The following TTC6 variants were observed in gnomAD, a reference collection of about 807,000 sequenced individuals.
TTC6 encodes the protein tetratricopeptide repeat protein 6.
Under a neutral mutation model 210.4 loss-of-function variants are expected in TTC6, and 172 were observed. That is an observed-to-expected ratio of 0.82 (90% CI 0.72 to 0.93). The LOEUF is 0.93. Among genes scored for constraint, TTC6 ranks in the 40% least tolerant of loss-of-function variants. TTC6 has a pLI of 0.00. For missense variants in TTC6, 2,414 were observed against 2,318.1 expected, an observed-to-expected ratio of 1.04 and a Z score of -0.85; for synonymous variants, 804 against 819.6, an observed-to-expected ratio of 0.98 and a Z score of 0.32.
intron 6 of TTC6, among the ~76,000 whole-genome samples, chr14:37,723,127 CTT>C (rs1321447695): frequency 6.6e-6 from 1 of 152,064 alleles, no homozygotes; most frequent in Non-Finnish European, 1.5e-5. Context: ...TTCTATGTCT[CTT>C]TTGACACCCT....
chr14:37,689,185 C>A lies in TTC6; in HGVS notation c.1257+6221C>A, dbSNP rs142971770. 2.6e-3 allele frequency among the ~76,000 whole-genome samples: 401 copies of A among 151,910 alleles called. 2 individuals carry two copies. Among genetic ancestry groups the A allele is most frequent in the Middle Eastern group, 0.01 (3 of 294 alleles). On this transcript the variant is annotated intron_variant, in intron 3 of 30. Coordinates refer to ENST00000553443, the Ensembl canonical transcript of TTC6. ...AATGCAGTTGGCATACTGAAGAATG[C>A]ATCAGAGTCTTTTAGTGGCAGAACT...
At position 37,839,849 on chromosome 14, in the gene TTC6, C is replaced by T. The variant is rs144842556; in HGVS notation, c.5299-1596C>T. On this transcript the variant is annotated intron_variant, in intron 29 of 30. Coordinates refer to ENST00000553443, the Ensembl canonical transcript of TTC6. ...ATAAGGTGGAAGGAAGGGATCTAGT[C>T]TCAGCTTTCTGCATATGGCTAGCCG... Among the ~76,000 whole-genome samples, 63 of 152,204 alleles carry T rather than the reference C, an allele frequency of 4.1e-4. No individual in the cohort carries two copies. The East Asian group carries it at 8.9e-3, about 22-fold the overall frequency.
chr14:37,607,348 G>C (rs185216051), intron 2 of TTC6, among the ~76,000 whole-genome samples: 24 of 152,256 alleles, frequency 1.6e-4, no homozygotes, highest in African/African-American at 5.5e-4. Context: ...ATTAAGTCTA[G>C]AGCTCAGTCC....
chr14:37,733,637 T>C (rs2095893889), intron 7 of TTC6, among the ~76,000 whole-genome samples: 1 of 152,158 alleles, frequency 6.6e-6, no homozygotes. Context: ...ACCTGGCTGG[T>C]TTTAAGTTTT....
chr14:37,614,716 G>C lies in TTC6; in HGVS notation c.-154-7334G>C, dbSNP rs2095639923. On this transcript the variant is annotated intron_variant, in intron 2 of 2. Coordinates refer to the TTC6 transcript ENST00000556845. ...AAAAAGAATATGCATGCTAGGTATA[G>C]AATACTTGGTTGACAGTTTAAATTA... Among the ~76,000 whole-genome samples, 3 of 151,670 alleles carry C rather than the reference G, an allele frequency of 2.0e-5. No homozygotes were observed. The East Asian group carries it at 5.8e-4, about 29-fold the overall frequency.
At chr14:37,702,914 T>C (rs182704911) in intron 5 of TTC6, among the ~76,000 whole-genome samples, 2 of 152,022 alleles carry the variant, frequency 1.3e-5, no homozygotes, top group African/African-American at 4.8e-5. Context: ...CAAAAAAAAA[T>C]TTTTAGGATT....
At chr14:37,800,923 C>T (rs1303380296) in intron 20 of TTC6, among the ~76,000 whole-genome samples, 3 of 152,098 alleles carry the variant, frequency 2.0e-5, no homozygotes, top group Non-Finnish European at 2.9e-5. Flanking sequence ...GCTGCAAACA[C>T]GTACAACCTT....
chr14:37,700,171 A>G (rs907664751), intron 4 of TTC6, among the ~76,000 whole-genome samples: 1 of 152,160 alleles, frequency 6.6e-6, no homozygotes, highest in Non-Finnish European at 1.5e-5. Flanking sequence ...TTTAGTAGGA[A>G]GGTAGGGATG....
At chr14:37,707,146 T>C (rs1396066316) in intron 5 of TTC6, among the ~76,000 whole-genome samples, 1 of 152,104 alleles carries the variant, frequency 6.6e-6, no homozygotes, top group Non-Finnish European at 1.5e-5. Flanking sequence ...TTTATTTGCA[T>C]GTAATATTTT....
At chr14:37,660,217 G>T (rs999474930) in intron 1 of TTC6, among the ~76,000 whole-genome samples, 2 of 151,842 alleles carry the variant, frequency 1.3e-5, no homozygotes, top group African/African-American at 4.8e-5. Context: ...TTGTCTTCCA[G>T]GGTTTTTTTT....
intron 2 of TTC6, among the ~76,000 whole-genome samples, chr14:37,682,443 T>C (rs2095785943): frequency 1.2e-5 from 1 of 81,742 alleles, no homozygotes; most frequent in Non-Finnish European, 3.0e-5. Context: ...TTTCTTGGTC[T>C]AGCTATACCT....
chr14:37,619,048 G>C (rs1053315414), upstream of TTC6, among the ~76,000 whole-genome samples: 2 of 152,080 alleles, frequency 1.3e-5, no homozygotes, highest in African/African-American at 4.8e-5. Flanking sequence ...CAAACAATAA[G>C]AGCCAAAATA....
intron 14 of TTC6, among the ~76,000 whole-genome samples, chr14:37,756,552 A>G (rs577760204): frequency 2.0e-5 from 3 of 152,328 alleles, no homozygotes; most frequent in Non-Finnish European, 4.4e-5. Context: ...AGTTTCTAGC[A>G]TGAAAGGGTG....
exon 5 of TTC6, chr14:37,701,402 G>A (rs1273220462): frequency 6.5e-7 from 1 of 1,532,574 alleles, no homozygotes; most frequent in African/African-American, 1.4e-5. Context: ...GGAGCTGCCT[G>A]TTGACTTGCG....
intron 20 of TTC6, among the ~76,000 whole-genome samples, chr14:37,799,021 AT>A (rs2096099410): frequency 1.3e-5 from 2 of 151,966 alleles, no homozygotes; most frequent in Admixed American, 1.3e-4. Flanking sequence ...TATGAGTGAG[AT>A]TGGTTTTGTG....
chr14:37,710,858 A>G (rs2138736261), intron 5 of TTC6, among the ~76,000 whole-genome samples: 1 of 152,242 alleles, frequency 6.6e-6, no homozygotes, highest in African/African-American at 2.4e-5. Flanking sequence ...ATCTTCAGAG[A>G]AGGGGTCTGG....
intron 10 of TTC6, among the ~76,000 whole-genome samples, chr14:37,741,569 C>T (rs193172709): frequency 2.6e-5 from 4 of 152,220 alleles, no homozygotes; most frequent in African/African-American, 9.6e-5. Flanking sequence ...GGATTACAGG[C>T]ATGAGGCACC....
In TTC6 at chr14:37,796,295, G is replaced by A. The variant is rs144829002; in HGVS notation, c.3793G>A (p.Gly1265Arg). 4.9e-5 allele frequency: 62 copies of A among 1,252,620 alleles called. No homozygotes were observed. The East Asian group carries it at 1.3e-3, about 26-fold the overall frequency. 77.6% of individuals were successfully genotyped at this position (1,252,620 alleles called of 1,614,324 possible). A position where few individuals can be genotyped will look rare whatever the true frequency, so the allele number is the denominator to read the frequency against. The stretch of plus-strand genomic sequence containing the variant: ...ATCAAAATCGATTATTTCTTCCAGA[G>A]GACAATATCTTCTTATGATGAAATA... The change falls in exon 19 of 31, where the codon GGA becomes AGA. Residue 1265 changes from glycine to arginine, a missense_variant and splice_region_variant. Coordinates refer to ENST00000553443, the Ensembl canonical transcript of TTC6.
At position 37,665,392 on chromosome 14, in the gene TTC6, C is replaced by T. The variant is rs901395701; in HGVS notation, c.940-14759C>T. On this transcript the variant is annotated intron_variant, in intron 1 of 30. Transcript: ENST00000553443. ...AGCCTTTATCCTCAGCAAACTAATG[C>T]AGGAACAGAAAACCAAACACCACAT... Among the ~76,000 whole-genome samples the T allele has an allele frequency of 2.0e-5, 3 of 150,496 alleles. 1 individual carries two copies. Among genetic ancestry groups the T allele is most frequent in the Non-Finnish European group, 3.0e-5 (2 of 67,086 alleles).
Sources: gnomAD v4.1 joint callset for allele counts (sites outside exome capture counted in the v4.1 genomes callset) on GRCh38, gnomAD v4.1.1 for gene constraint, MANE v1.5 for transcripts, NCBI Gene and HGNC (gene_info 2026-07-23, HGNC 2026-07-21) for gene names.